GOLGA7: variants seen among roughly 807,000 people sequenced by gnomAD.
GOLGA7 encodes the protein golgin subfamily A member 7.
GOLGA7 carries 10 observed loss-of-function variants against 21.1 expected under a neutral mutation model. That is an observed-to-expected ratio of 0.47 (90% CI 0.29 to 0.80). GOLGA7 has a LOEUF of 0.80. GOLGA7 is among the 30% of genes least tolerant of loss of function. GOLGA7 has a pLI of 0.08. For missense variants in GOLGA7, 114 were observed against 166.8 expected, an observed-to-expected ratio of 0.68 and a Z score of 1.74; for synonymous variants, 64 against 62.6, an observed-to-expected ratio of 1.02 and a Z score of -0.10.
intron 4 of GOLGA7, among the ~76,000 whole-genome samples, chr8:41,508,973 G>C (rs1432546672): frequency 2.0e-5 from 3 of 152,102 alleles, no homozygotes; most frequent in African/African-American, 7.2e-5. Flanking sequence ...ACATGAGGAT[G>C]GCCTTTATTT....
At chr8:41,491,802 T>C (rs111500233) in intron 1 of GOLGA7, among the ~76,000 whole-genome samples, 3,262 of 152,328 alleles carry the variant, frequency 0.021, 61 homozygotes, top group Middle Eastern at 0.058. Context: ...ACCCATGTTA[T>C]GTAGATTGTG....
chr8:41,503,066 A>G (rs1460234708), intron 2 of GOLGA7, among the ~76,000 whole-genome samples: 1 of 152,086 alleles, frequency 6.6e-6, no homozygotes, highest in African/African-American at 2.4e-5. Flanking sequence ...TTTTGAGACT[A>G]AGTTTTAAAG....
At chr8:41,505,246 T>G (rs1158140321) in intron 2 of GOLGA7, among the ~76,000 whole-genome samples, 1 of 152,202 alleles carries the variant, frequency 6.6e-6, no homozygotes, top group Non-Finnish European at 1.5e-5. Context: ...AACTTATAAA[T>G]TGAGGTTCCT....
intron 1 of GOLGA7, among the ~76,000 whole-genome samples, chr8:41,494,461 A>G (rs1228236259): frequency 6.6e-6 from 1 of 152,258 alleles, no homozygotes. Flanking sequence ...TAGGCACATC[A>G]AATGTGATTG....
chr8:41,491,003 GA>G, intron 1 of GOLGA7, 38 bp downstream of exon 1: 1 of 1,175,810 alleles, frequency 8.5e-7, no homozygotes, highest in Non-Finnish European at 1.2e-6. Flanking sequence ...TCTGGCGAGG[GA>G]GAGAGACTCA....
chr8:41,510,384 G>C lies in GOLGA7; in HGVS notation c.*816G>C, dbSNP rs1259312596. ...CATAAATGTTCCCGCTGTGTCCCTG[G>C]ATATGGAATAAGCAGGTATAAAAAA... On this transcript the variant is annotated 3_prime_UTR_variant, in exon 5 of 5. Transcript: ENST00000357743. 2 of 152,520 alleles carry C rather than the reference G, an allele frequency of 1.3e-5. No homozygotes were observed. The highest frequency in any genetic ancestry group is 2.9e-5 in the Non-Finnish European group (2 of 68,020). 9.4% of individuals were successfully genotyped at this position (152,520 alleles called of 1,614,324 possible).
chr8:41,501,854 A>C (rs1016404203), intron 2 of GOLGA7, among the ~76,000 whole-genome samples: 1 of 152,242 alleles, frequency 6.6e-6, no homozygotes, highest in Non-Finnish European at 1.5e-5. Context: ...AAACCTTCCA[A>C]TTATTAAATC....
rs375847039 is a variant in GOLGA7, at chr8:41,499,528, C to T, written c.264+1867C>T. The stretch of plus-strand genomic sequence containing the variant: ...AGATAGTTTTCCCCTGGAGTCAGGC[C>T]GCTCGATGACCGAACTCTTCTCCAA... On this transcript the variant is annotated intron_variant, in intron 2 of 4. Transcript: ENST00000357743. 5.9e-5 allele frequency among the ~76,000 whole-genome samples: 9 copies of T among 152,216 alleles called. No homozygotes were observed. In the East Asian group the frequency reaches 1.4e-3, roughly 23 times the overall value.
intron 1 of GOLGA7, among the ~76,000 whole-genome samples, chr8:41,496,006 G>T (rs1489411498): frequency 2.0e-5 from 3 of 152,112 alleles, no homozygotes; most frequent in Admixed American, 6.5e-5. Context: ...AGTTTTTGGG[G>T]TTTTTTTAGA....
In GOLGA7 at chr8:41,502,061, G is replaced by A. The variant is rs1401997305; in HGVS notation, c.265-3850G>A. Reference sequence around the variant, plus strand: ...ATCCAGAAACCAAATTTAAGGCATGGCCACATTTTAAAAATAGGTGATATT... The same window carrying A: ...ATCCAGAAACCAAATTTAAGGCATGACCACATTTTAAAAATAGGTGATATT... On this transcript the variant is annotated intron_variant, in intron 2 of 4. Transcript: ENST00000357743. 9.9e-4 allele frequency among the ~76,000 whole-genome samples: 150 copies of A among 152,160 alleles called. 1 individual carries two copies. The highest frequency in any genetic ancestry group is 2.1e-4 in the Non-Finnish European group (14 of 68,042).
Position 41,490,773 on chromosome 8 carries a change from CAG to C in GOLGA7, c.-79_-78del. On this transcript the variant is annotated 5_prime_UTR_variant, in exon 1 of 5. An upstream open reading frame in the 5' UTR loses its in-frame stop. Coordinates refer to ENST00000357743, the MANE Select transcript of GOLGA7 (RefSeq NM_001002296.2). Reference sequence around the variant, plus strand: ...GGGTGGGGGCGAGGGGCTGGCGGGTCAGAGTCCCGGGTCCAGGCCGGGGCTCT... The same window carrying C: ...GGGTGGGGGCGAGGGGCTGGCGGGTCAGTCCCGGGTCCAGGCCGGGGCTCT... 1.4e-6 allele frequency: 1 copy of C among 730,980 alleles called. No individual in the cohort carries two copies. Among genetic ancestry groups the C allele is most frequent in the South Asian group, 1.7e-5 (1 of 58,088 alleles). The allele number at this position is 730,980 out of a possible 1,614,324, so 45.3% of individuals were successfully genotyped here. A position where few individuals can be genotyped will look rare whatever the true frequency, so the allele number is the denominator to read the frequency against.
At chr8:41,504,109 T>A (rs1806216308) in intron 2 of GOLGA7, among the ~76,000 whole-genome samples, 1 of 94,982 alleles carries the variant, frequency 1.1e-5, no homozygotes. Context: ...ACCCTAAAAC[T>A]TAGAGTATAA....
At chr8:41,493,493 A>G (rs1805935214) in intron 1 of GOLGA7, among the ~76,000 whole-genome samples, 1 of 152,220 alleles carries the variant, frequency 6.6e-6, no homozygotes, top group African/African-American at 2.4e-5. Flanking sequence ...TTTAGAATGT[A>G]ATACTTTGAT....
At chr8:41,495,159 C>T (rs1805977192) in intron 1 of GOLGA7, among the ~76,000 whole-genome samples, 2 of 131,540 alleles carry the variant, frequency 1.5e-5, no homozygotes, top group Admixed American at 1.7e-4. Context: ...GCCAAGATTG[C>T]GCCACTGCAC....
chr8:41,496,445 G>A (rs1257475182), intron 1 of GOLGA7, among the ~76,000 whole-genome samples: 1 of 152,072 alleles, frequency 6.6e-6, no homozygotes, highest in East Asian at 1.9e-4. Context: ...TGCTCAACCT[G>A]TGGTAGTATT....
intron 2 of GOLGA7, among the ~76,000 whole-genome samples, chr8:41,497,940 G>A (rs1203341006): frequency 1.3e-5 from 2 of 152,128 alleles, no homozygotes; most frequent in Admixed American, 1.3e-4. Context: ...TCAGCTTTCT[G>A]GGAATGTTTT....
In GOLGA7 at chr8:41,496,360, A is replaced by C. The variant is rs973890819; in HGVS notation, c.112-1149A>C. ...CATGAGGTCGGGTTTGGAATTTCCC[A>C]CTTGTGGTATCATGTCAGTGCTCAA... On this transcript the variant is annotated intron_variant, in intron 1 of 4. Transcript: ENST00000357743. Among the ~76,000 whole-genome samples, 10 of 151,904 alleles carry C rather than the reference A, an allele frequency of 6.6e-5. 1 individual carries two copies. The highest frequency in any genetic ancestry group is 3.3e-4 in the Admixed American group (5 of 15,258).
intron 1 of GOLGA7, among the ~76,000 whole-genome samples, chr8:41,494,102 TTTTG>T (rs772141621): frequency 5.9e-5 from 9 of 152,376 alleles, no homozygotes; most frequent in African/African-American, 1.4e-4. Context: ...ATTAACCTTT[TTTTG>T]TTTGTTTGTT....
intron 2 of GOLGA7, among the ~76,000 whole-genome samples, chr8:41,505,122 T>C (rs1389569985): frequency 6.6e-6 from 1 of 152,258 alleles, no homozygotes; most frequent in African/African-American, 2.4e-5. Flanking sequence ...TTCTAGCTTA[T>C]CTGTCTCAGA....
Sources: gnomAD v4.1 joint callset for allele counts (sites outside exome capture counted in the v4.1 genomes callset) on GRCh38, gnomAD v4.1.1 for gene constraint, MANE v1.5 for transcripts, NCBI Gene and HGNC (gene_info 2026-07-23, HGNC 2026-07-21) for gene names.